The following DTWD2 variants were observed in gnomAD, a reference collection of about 807,000 sequenced individuals.
The protein encoded by DTWD2 is tRNA-uridine aminocarboxypropyltransferase 2.
A neutral mutation model predicts 31.8 loss-of-function variants in DTWD2; 39 were observed. That is an observed-to-expected ratio of 1.22 (90% CI 0.95 to 1.60). DTWD2 has a LOEUF of 1.60. Ranked by LOEUF, DTWD2 falls within the 40% of genes most tolerant of loss-of-function variation. The pLI is 0.00. For missense variants in DTWD2, 515 were observed against 381.5 expected (o/e 1.35, Z -2.92); for synonymous variants, 180 against 142.8 (o/e 1.26, Z -1.86).
At chr5:118,951,202 C>A (rs1232798293) in intron 1 of DTWD2, among the ~76,000 whole-genome samples, 1 of 152,014 alleles carries the variant, frequency 6.6e-6, no homozygotes, top group Non-Finnish European at 1.5e-5. Context: ...AAACTGTAAG[C>A]CGGACTGGGT....
chr5:118,911,636 T>C (rs1753459953), intron 4 of DTWD2, among the ~76,000 whole-genome samples: 1 of 151,982 alleles, frequency 6.6e-6, no homozygotes, highest in Non-Finnish European at 1.5e-5. Flanking sequence ...AAGATAAAAA[T>C]AAAATGTGGT....
chr5:118,968,845 C>T (rs2149597211), intron 1 of DTWD2, among the ~76,000 whole-genome samples: 1 of 152,326 alleles, frequency 6.6e-6, no homozygotes, highest in South Asian at 2.1e-4. Context: ...GGCCCCACTC[C>T]CATGGCACCT....
intron 4 of DTWD2, among the ~76,000 whole-genome samples, chr5:118,880,415 T>G (rs1752715806): frequency 6.6e-6 from 1 of 152,228 alleles, no homozygotes; most frequent in African/African-American, 2.4e-5. Flanking sequence ...CCACCTGATT[T>G]TCAAGTGGAA....
rs992172501 is a variant in DTWD2, at chr5:118,840,979, T to A, written c.835A>T (p.Met279Leu). 1 of 1,613,702 alleles carries A rather than the reference T, an allele frequency of 6.2e-7. No individual in the cohort carries two copies. The highest frequency in any genetic ancestry group is 8.5e-7 in the Non-Finnish European group (1 of 1,179,838). ...CTGAGTTTGCGTTTGTTCTTTGGCA[T>A]TGGTTTAGGATATAATCCATTTTTC... Reference protein sequence around the residue: ...LLKNGLYPKPMPKNKRKLRKM... With the variant: ...LLKNGLYPKPLPKNKRKLRKM... The change falls in exon 6 of 6, where the codon ATG becomes TTG. Residue 279 changes from methionine (M) to leucine (L), a missense_variant. Transcript: ENST00000510708.
chr5:118,851,080 C>G (rs1751990913), intron 4 of DTWD2, among the ~76,000 whole-genome samples: 1 of 151,892 alleles, frequency 6.6e-6, no homozygotes, highest in Admixed American at 6.6e-5. Context: ...AACCCAATCT[C>G]TACTAAAAAT....
chr5:118,964,894 G>A (rs1014727640), intron 1 of DTWD2, among the ~76,000 whole-genome samples: 1 of 152,134 alleles, frequency 6.6e-6, no homozygotes, highest in Non-Finnish European at 1.5e-5. Flanking sequence ...TCTCTGCCTG[G>A]CCGCCCATCG....
chr5:118,923,856 T>C (rs990718362), intron 4 of DTWD2, among the ~76,000 whole-genome samples: 2 of 152,204 alleles, frequency 1.3e-5, no homozygotes, highest in East Asian at 1.9e-4. Flanking sequence ...CTGACTCTGA[T>C]AGAAGTTTTG....
At chr5:118,873,712 G>A (rs952721840) in intron 4 of DTWD2, among the ~76,000 whole-genome samples, 6 of 152,140 alleles carry the variant, frequency 3.9e-5, no homozygotes, top group Admixed American at 2.0e-4. Context: ...TCACACTTGC[G>A]CTAACCCTGA....
intron 1 of DTWD2, among the ~76,000 whole-genome samples, chr5:118,965,397 G>A (rs1745438474): frequency 6.6e-6 from 1 of 151,998 alleles, no homozygotes; most frequent in Admixed American, 6.6e-5. Context: ...GAGCCCCTCT[G>A]CCCGGCCGCC....
intron 4 of DTWD2, among the ~76,000 whole-genome samples, chr5:118,907,174 A>G (rs542918200): frequency 5.0e-4 from 76 of 152,342 alleles, no homozygotes; most frequent in Admixed American, 1.8e-3. Flanking sequence ...CCTATGAATT[A>G]GAAAGTTTCC....
intron 3 of DTWD2, among the ~76,000 whole-genome samples, chr5:118,937,250 C>A (rs1754063189): frequency 6.6e-6 from 1 of 151,944 alleles, no homozygotes. Flanking sequence ...CAAAACTCAA[C>A]AAACACCCAT....
chr5:118,973,846 AC>A lies in DTWD2; in HGVS notation c.218+14447del, dbSNP rs773937478. The A allele has an allele frequency of 1.6e-5, 25 of 1,612,466 alleles. 1 individual carries two copies. The highest frequency in any genetic ancestry group is 1.1e-4 in the East Asian group (5 of 44,890). On this transcript the variant is annotated intron_variant, in intron 1 of 5. Coordinates refer to ENST00000510708, the MANE Select transcript of DTWD2 (RefSeq NM_173666.4). ...GCTCCGAAATCACCACCAAGGACTT[AC>A]AGGAGAAGAAGGAAGTTGTGGAAGA...
chr5:118,922,509 C>T (rs1753725473), intron 4 of DTWD2, among the ~76,000 whole-genome samples: 1 of 152,076 alleles, frequency 6.6e-6, no homozygotes, highest in African/African-American at 2.4e-5. Context: ...AAAAATAACA[C>T]TACATTTAGA....
intron 4 of DTWD2, among the ~76,000 whole-genome samples, chr5:118,885,151 A>AT (rs201670775): frequency 9.4e-5 from 14 of 149,508 alleles, no homozygotes; most frequent in Middle Eastern, 3.5e-3. Flanking sequence ...TCTACAAAAA[A>AT]TTAAAAAAAA....
chr5:118,931,419 A>AG (rs1753920681), intron 3 of DTWD2, among the ~76,000 whole-genome samples: 1 of 150,218 alleles, frequency 6.7e-6, no homozygotes, highest in East Asian at 1.9e-4. Flanking sequence ...AAAAAAAAAA[A>AG]GTAACTGCAG....
chr5:118,954,461 T>C (rs1754540464), intron 1 of DTWD2, among the ~76,000 whole-genome samples: 1 of 152,212 alleles, frequency 6.6e-6, no homozygotes, highest in Non-Finnish European at 1.5e-5. Flanking sequence ...TTCACTGCTA[T>C]ATCCCCAGCA....
intron 4 of DTWD2, among the ~76,000 whole-genome samples, chr5:118,896,632 A>C (rs1038475928): frequency 6.6e-6 from 1 of 152,256 alleles, no homozygotes; most frequent in African/African-American, 2.4e-5. Flanking sequence ...AATTCTAAAA[A>C]CTAACACAAA....
chr5:118,923,218 A>C (rs1410741459), intron 4 of DTWD2, among the ~76,000 whole-genome samples: 1 of 152,076 alleles, frequency 6.6e-6, no homozygotes, highest in South Asian at 2.1e-4. Flanking sequence ...TCTCCCCCTA[A>C]CCACTAGGAA....
At chr5:118,949,595 T>C (rs912944890) in intron 1 of DTWD2, among the ~76,000 whole-genome samples, 1 of 152,176 alleles carries the variant, frequency 6.6e-6, no homozygotes, top group East Asian at 1.9e-4. Context: ...AAGTGAGTGA[T>C]AACAGGCTTT....
Sources: gnomAD v4.1 joint callset for allele counts (sites outside exome capture counted in the v4.1 genomes callset) on GRCh38, gnomAD v4.1.1 for gene constraint, MANE v1.5 for transcripts, NCBI Gene and HGNC (gene_info 2026-07-23, HGNC 2026-07-21) for gene names.